The following PDE7B variants were observed in gnomAD, a reference collection of about 807,000 sequenced individuals.
The protein encoded by PDE7B is phosphodiesterase 7B.
In PDE7B, 29 loss-of-function variants were observed where a neutral mutation model predicts 56.2. The ratio of observed to expected loss-of-function variants is 0.52; its 90% CI spans 0.38 to 0.70. The LOEUF is 0.70. Among genes scored for constraint, PDE7B ranks in the 30% least tolerant of loss-of-function variants. PDE7B has a pLI of 0.00. For missense variants in PDE7B, 490 were observed against 565.0 expected (o/e 0.87, Z 1.35); for synonymous variants, 197 against 196.9 (o/e 1.00, Z 0.00).
intron 1 of PDE7B, among the ~76,000 whole-genome samples, chr6:135,861,043 T>C (rs1366164340): frequency 6.6e-6 from 1 of 151,984 alleles, no homozygotes; most frequent in Non-Finnish European, 1.5e-5. Flanking sequence ...CTAGATAGGT[T>C]GTTGCCTATC....
chr6:135,852,177 T>C (rs550337385), intron 1 of PDE7B, among the ~76,000 whole-genome samples, 158 bp downstream of exon 1: 1 of 152,334 alleles, frequency 6.6e-6, no homozygotes, highest in East Asian at 1.9e-4. Context: ...CCTTCCTTTT[T>C]CTAGGCGAAC....
At chr6:135,856,386 T>A (rs1183747633) in intron 1 of PDE7B, among the ~76,000 whole-genome samples, 5 of 152,254 alleles carry the variant, frequency 3.3e-5, no homozygotes, top group African/African-American at 1.2e-4. Context: ...TGCCAATCAC[T>A]GTCCTGGATT....
chr6:136,154,395 A>AT (rs1375544098), intron 7 of PDE7B, among the ~76,000 whole-genome samples: 1 of 137,006 alleles, frequency 7.3e-6, no homozygotes, highest in African/African-American at 2.8e-5. Flanking sequence ...TATTTTGTAT[A>AT]TTTTTGAGGC....
chr6:135,887,343 G>T (rs1057430171), intron 1 of PDE7B, among the ~76,000 whole-genome samples: 5 of 152,094 alleles, frequency 3.3e-5, no homozygotes, highest in Non-Finnish European at 7.4e-5. Context: ...TTAGAGGCTG[G>T]AGATATAACA....
chr6:136,003,371 T>C (rs1177835772), intron 2 of PDE7B, among the ~76,000 whole-genome samples: 4 of 151,512 alleles, frequency 2.6e-5, no homozygotes, highest in Admixed American at 2.0e-4. Context: ...CTGAAGGAAA[T>C]AGAGACACAA....
Position 135,863,327 on chromosome 6 carries a change from A to AT in PDE7B, c.21+11315dup, listed in dbSNP as rs558881217. On this transcript the variant is annotated intron_variant, in intron 1 of 12. Transcript: ENST00000308191. ...TTATATTGAACAATGTAAAATTGCC[A>AT]TTTTTTTAGATCAAGGTTGAATATC... 8.6e-4 allele frequency among the ~76,000 whole-genome samples: 131 copies of AT among 152,010 alleles called. 1 individual carries two copies. The highest frequency in any genetic ancestry group is 8.3e-3 in the South Asian group (40 of 4,824).
intron 2 of PDE7B, among the ~76,000 whole-genome samples, chr6:136,057,413 T>C (rs150507428): frequency 1.0e-3 from 152 of 152,292 alleles, no homozygotes; most frequent in African/African-American, 3.5e-3. Flanking sequence ...CTCTCACCCA[T>C]TATACATCAA....
chr6:136,094,811 T>C (rs1276017534), intron 2 of PDE7B: 1 of 152,182 alleles, frequency 6.6e-6, no homozygotes, highest in Non-Finnish European at 1.5e-5. Flanking sequence ...AAAACATGTT[T>C]GTGGAATAAA....
At chr6:136,068,423 C>CA (rs1776984325) in intron 2 of PDE7B, among the ~76,000 whole-genome samples, 1 of 79,514 alleles carries the variant, frequency 1.3e-5, no homozygotes, top group South Asian at 4.5e-4. Flanking sequence ...ACCAAGATTC[C>CA]TTTTTTTTTT....
intron 2 of PDE7B, among the ~76,000 whole-genome samples, chr6:136,032,190 A>G (rs1484141088): frequency 1.3e-5 from 2 of 152,210 alleles, no homozygotes; most frequent in African/African-American, 4.8e-5. Context: ...CAGTTTGTCT[A>G]GGGAAATGAG....
intron 2 of PDE7B, among the ~76,000 whole-genome samples, chr6:136,069,642 G>T (rs1413520016): frequency 1.3e-5 from 2 of 152,174 alleles, no homozygotes; most frequent in African/African-American, 4.8e-5. Context: ...TCTTTTAAAT[G>T]AGTCATTTTC....
intron 2 of PDE7B, among the ~76,000 whole-genome samples, chr6:136,018,188 C>T (rs1004161621): frequency 6.6e-6 from 1 of 152,236 alleles, no homozygotes; most frequent in Non-Finnish European, 1.5e-5. Flanking sequence ...CAGGATGGAA[C>T]GATTGGCAGG....
chr6:136,106,272 T>TATCA (rs555020768), intron 2 of PDE7B, among the ~76,000 whole-genome samples: 32 of 152,346 alleles, frequency 2.1e-4, no homozygotes, highest in Admixed American at 1.6e-3. Context: ...TCAGTGAGTC[T>TATCA]ATCATTTTAA....
rs1170619347 is a variant in PDE7B at position 135,979,385 on chromosome 6, G to A, written c.82+31861G>A. Among the ~76,000 whole-genome samples, 11 of 151,722 alleles carry A rather than the reference G, an allele frequency of 7.3e-5. 1 individual carries two copies. The highest frequency in any genetic ancestry group is 2.7e-4 in the African/African-American group (11 of 41,102). On this transcript the variant is annotated intron_variant, in intron 2 of 12. Coordinates refer to ENST00000308191, the MANE Select transcript of PDE7B (RefSeq NM_018945.4). ...CGGCTTTGGTATCAGGATGATGCTG[G>A]CCTCATAAAATGAGTTAGGGAGGAT...
At chr6:135,881,099 A>G (rs544310225) in intron 1 of PDE7B, among the ~76,000 whole-genome samples, 1 of 152,228 alleles carries the variant, frequency 6.6e-6, no homozygotes, top group African/African-American at 2.4e-5. Flanking sequence ...CTTTTATTGC[A>G]TTTAAGTTTT....
At chr6:135,957,645 G>A (rs975998293) in intron 2 of PDE7B, among the ~76,000 whole-genome samples, 2 of 152,100 alleles carry the variant, frequency 1.3e-5, no homozygotes, top group Non-Finnish European at 2.9e-5. Context: ...CCGGGTAATA[G>A]GTCTCTGATT....
rs1158417588 is a variant in PDE7B at position 135,965,148 on chromosome 6, AAATAAATG to A, written c.82+17638_82+17645del. ...AAGAGTAAAACTCCATCTCATAAATAAATAAATGAATAAATGAATAAGACATTGCATTG... is the reference window on the plus strand; with the variant it reads ...AAGAGTAAAACTCCATCTCATAAATAAATAAATGAATAAGACATTGCATTG... On this transcript the variant is annotated intron_variant, in intron 2 of 12. Coordinates refer to ENST00000308191, the MANE Select transcript of PDE7B (RefSeq NM_018945.4). 2.6e-5 allele frequency among the ~76,000 whole-genome samples: 4 copies of A among 152,272 alleles called. No homozygotes were observed. The East Asian group carries it at 7.7e-4, about 29-fold the overall frequency.
intron 2 of PDE7B, among the ~76,000 whole-genome samples, chr6:136,039,032 C>T (rs1456772940): frequency 6.6e-6 from 1 of 152,076 alleles, no homozygotes; most frequent in East Asian, 1.9e-4. Context: ...TTTTTATGTC[C>T]TGGGCAAGTT....
chr6:135,906,803 G>A (rs985947688), intron 1 of PDE7B, among the ~76,000 whole-genome samples: 1 of 88,040 alleles, frequency 1.1e-5, no homozygotes, highest in African/African-American at 5.9e-5. Context: ...AAATGTTAAT[G>A]AGGTTTGTTT....
Sources: gnomAD v4.1 joint callset for allele counts (sites outside exome capture counted in the v4.1 genomes callset) on GRCh38, gnomAD v4.1.1 for gene constraint, MANE v1.5 for transcripts, NCBI Gene and HGNC (gene_info 2026-07-23, HGNC 2026-07-21) for gene names.